Variants in ZNF777 observed in about 807,000 individuals in gnomAD.
ZNF777 encodes the protein zinc finger protein 777.
Under a neutral mutation model 72.1 loss-of-function variants are expected in ZNF777, and 7 were observed. That is an observed-to-expected ratio of 0.10 (90% confidence interval 0.06 to 0.18). The LOEUF (loss-of-function observed/expected upper bound fraction) is 0.18. ZNF777 is among the 10% of genes least tolerant of loss of function. The pLI is 1.00. For synonymous variants in ZNF777, 545 were observed against 483.5 expected (o/e 1.13, Z -1.67); for missense variants, 828 against 1,128.6 (o/e 0.73, Z 3.82).
intron 1 of ZNF777, among the ~76,000 whole-genome samples, chr7:149,459,350 A>G (rs1209159476): frequency 6.6e-6 from 1 of 152,272 alleles, no homozygotes; most frequent in East Asian, 1.9e-4. Flanking sequence ...ATCAGCCCCC[A>G]ACCCCTGAGA....
chr7:149,444,137 G>A (rs1327300673), intron 4 of ZNF777, among the ~76,000 whole-genome samples: 1 of 152,132 alleles, frequency 6.6e-6, no homozygotes, highest in African/African-American at 2.4e-5. Flanking sequence ...TGTAATTTTA[G>A]TTGGATCAAT....
intron 3 of ZNF777, among the ~76,000 whole-genome samples, chr7:149,452,985 G>A (rs1489591648): frequency 6.6e-6 from 1 of 152,188 alleles, no homozygotes; most frequent in African/African-American, 2.4e-5. Flanking sequence ...GGTTCACGTG[G>A]AACACTGCAC....
chr7:149,439,570 G>A (rs1799472840), intron 4 of ZNF777, among the ~76,000 whole-genome samples: 1 of 152,022 alleles, frequency 6.6e-6, no homozygotes, highest in Non-Finnish European at 1.5e-5. Flanking sequence ...TTTGATAGCT[G>A]GAATTTTTAT....
In ZNF777 at chr7:149,460,850, G is replaced by A. The variant is rs1799935984; in HGVS notation, c.-51C>T. On this transcript the variant is annotated 5_prime_UTR_variant, in exon 1 of 6. Coordinates refer to ENST00000247930, the MANE Select transcript of ZNF777 (RefSeq NM_015694.3). The surrounding 1 kb of genome is among the most constrained non-coding windows in gnomAD (Gnocchi z 6.1). ...CGCCTGCCCAGGCACCCTCGGGCGA[G>A]GCCGGGAGGCGCGCGGGCGGAGGCG... 2 of 152,202 alleles carry A rather than the reference G, an allele frequency of 1.3e-5. No homozygotes were observed. Among genetic ancestry groups the A allele is most frequent in the Non-Finnish European group, 2.9e-5 (2 of 68,136 alleles). The allele number at this position is 152,202 out of a possible 1,614,324, so 9.4% of individuals were successfully genotyped here.
chr7:149,434,075 C>T (rs7797238), intron 5 of ZNF777, among the ~76,000 whole-genome samples: 7,031 of 152,056 alleles, frequency 0.046, 416 homozygotes, highest in African/African-American at 0.13. Context: ...TATTATAGGA[C>T]GAGTCAAGCA....
chr7:149,442,618 TAA>T (rs552079135), intron 4 of ZNF777, among the ~76,000 whole-genome samples: 21 of 125,864 alleles, frequency 1.7e-4, no homozygotes, highest in Admixed American at 2.4e-4. Flanking sequence ...AGACTCTGTC[TAA>T]AAAAAAAAAA....
rs1212227656 is a variant in ZNF777 at position 149,436,845 on chromosome 7, G to A, written c.1088-19C>T. 6.3e-7 allele frequency: 1 copy of A among 1,596,160 alleles called. No individual in the cohort carries two copies. Among genetic ancestry groups the A allele is most frequent in the East Asian group, 2.3e-5 (1 of 44,350 alleles). ...TCGTGCGCTGAGAGAGGGTGGGCAG[G>A]GGTGAGGAGGAGAAAAGAACCCAGA... On this transcript the variant is annotated intron_variant, in intron 4 of 5. Coordinates refer to ENST00000247930, the MANE Select transcript of ZNF777 (RefSeq NM_015694.3). The surrounding 1 kb of genome is among the most constrained non-coding windows in gnomAD (Gnocchi z 5.0).
Position 149,455,152 on chromosome 7 carries a change from G to C in ZNF777, c.846+25C>G, listed in dbSNP as rs768587650. Reference sequence around the variant, plus strand: ...ACTCCAATTCAGATCACTTCCTTGGGAAGCCCCAGTTGGGATGTGCTTACC... The same window carrying C: ...ACTCCAATTCAGATCACTTCCTTGGCAAGCCCCAGTTGGGATGTGCTTACC... On this transcript the variant is annotated intron_variant, in intron 2 of 5. Transcript: ENST00000247930. This position sits in a 1 kb window ranked among gnomAD's most constrained non-coding sequence, Gnocchi z 4.2. The C allele has an allele frequency of 1.3e-6, 2 of 1,589,778 alleles. No homozygotes were observed. The highest frequency in any genetic ancestry group is 3.6e-5 in the Admixed American group (2 of 55,862).
chr7:149,438,199 T>C (rs1007526376), intron 4 of ZNF777, among the ~76,000 whole-genome samples: 1 of 151,980 alleles, frequency 6.6e-6, no homozygotes. Flanking sequence ...GGTTTCACTA[T>C]GTTGGCCAGG....
intron 4 of ZNF777, among the ~76,000 whole-genome samples, chr7:149,437,119 T>A (rs1221083771): frequency 6.6e-6 from 1 of 152,168 alleles, no homozygotes; most frequent in African/African-American, 2.4e-5. Context: ...TTTACTCTTA[T>A]TTTTTCAATA....
intron 3 of ZNF777, among the ~76,000 whole-genome samples, chr7:149,452,039 G>T (rs1456069493): frequency 6.8e-6 from 1 of 147,836 alleles, no homozygotes; most frequent in East Asian, 2.0e-4. Context: ...GCCGAGGCGG[G>T]CGGATCACAA....
intron 3 of ZNF777, among the ~76,000 whole-genome samples, chr7:149,452,756 C>T (rs367638575): frequency 5.3e-5 from 8 of 152,126 alleles, no homozygotes; most frequent in African/African-American, 1.4e-4. Context: ...CATTTTCACA[C>T]ACCCTTGCAG....
At position 149,455,914 on chromosome 7, in the gene ZNF777, C is replaced by T. The variant is rs181242161; in HGVS notation, c.109G>A (p.Val37Ile). The T allele has an allele frequency of 8.7e-5, 141 of 1,612,810 alleles. No homozygotes were observed. The African/African-American group carries it at 1.4e-3, about 17-fold the overall frequency. Residue 37 changes from valine (V) to isoleucine (I), a missense_variant, in exon 2 of 6, where the codon GTT (valine) becomes ATT (isoleucine). Around this residue, in one of 12 missense-constraint regions of ZNF777, gnomAD observed 222 missense variants for 211.2 expected, o/e 1.05. Transcript: ENST00000247930. The surrounding 1 kb of genome is among the most constrained non-coding windows in gnomAD (Gnocchi z 4.2). ...GAAGGAATTTCTTTGGGAGGAAGAA[C>T]GCGGGATTGGAACAGAGTTTCTCGG... is the stretch of plus-strand genomic sequence containing the variant. ...LPRETLFQSRVLPPKEIPSLS... is the reference protein window; with the variant it reads ...LPRETLFQSRILPPKEIPSLS...
chr7:149,454,917 G>A (rs994940671), intron 2 of ZNF777, among the ~76,000 whole-genome samples: 3 of 152,106 alleles, frequency 2.0e-5, no homozygotes, highest in African/African-American at 7.2e-5. Context: ...CCTTCGCTTT[G>A]CCTTCGTAGT....
intron 4 of ZNF777, among the ~76,000 whole-genome samples, chr7:149,437,143 C>T (rs1456902704): frequency 6.6e-6 from 1 of 152,156 alleles, no homozygotes; most frequent in Non-Finnish European, 1.5e-5. Context: ...AAAGGTCTCA[C>T]TCTGTCACCC....
At chr7:149,437,549 A>G (rs1225738661) in intron 4 of ZNF777, among the ~76,000 whole-genome samples, 1 of 152,224 alleles carries the variant, frequency 6.6e-6, no homozygotes, top group Non-Finnish European at 1.5e-5. Flanking sequence ...ATTTGTTTCT[A>G]AACTTGCCTA....
Position 149,453,743 on chromosome 7 carries a change from C to T in ZNF777, c.973+368G>A, listed in dbSNP as rs79568156. Among the ~76,000 whole-genome samples, 340 of 152,180 alleles carry T rather than the reference C, an allele frequency of 2.2e-3. 1 individual carries two copies. The highest frequency in any genetic ancestry group is 7.7e-3 in the African/African-American group (319 of 41,528). On this transcript the variant is annotated intron_variant, in intron 3 of 5. Coordinates refer to ENST00000247930, the MANE Select transcript of ZNF777 (RefSeq NM_015694.3). ...GCTGGTACACAGGAGACACTCAGCA[C>T]ACTTTCCTTTCATTCTTTTTTCCTT... is the stretch of plus-strand genomic sequence containing the variant.
Position 149,431,916 on chromosome 7 carries a change from G to A in ZNF777, c.2356C>T (p.Arg786Cys). 6.3e-7 allele frequency: 1 copy of A among 1,582,026 alleles called. No homozygotes were observed. Among genetic ancestry groups the A allele is most frequent in the Non-Finnish European group, 8.6e-7 (1 of 1,164,562 alleles). Residue 786 changes from arginine (R) to cysteine (C), a missense_variant, in exon 6 of 6, where the codon CGC (arginine) becomes TGC (cysteine). Arg to Cys is a radical substitution (Grantham distance 180). This residue lies in a region of ZNF777 where 49 missense variants were observed against 135.8 expected (regional missense o/e 0.36). Coordinates refer to ENST00000247930, the MANE Select transcript of ZNF777 (RefSeq NM_015694.3). ...AGCAGGTGATGCTTCTGCGTGAAGC[G>A]CTTGCCGCACTCGGCGCAGTGGTAG... ...RPYHCAECGKRFTQKHHLLEH... is the reference protein window; with the variant it reads ...RPYHCAECGKCFTQKHHLLEH...
rs1044033848 is a variant in ZNF777 at position 149,433,244 on chromosome 7, G to A, written c.1340-312C>T. 2.6e-5 allele frequency among the ~76,000 whole-genome samples: 4 copies of A among 152,280 alleles called. No individual in the cohort carries two copies. In the East Asian group the frequency reaches 5.8e-4, roughly 22 times the overall value. ...AATCGCTTCCTGTTGGTTATGATGC[G>A]AAACTGCTGGTACAGCCGGACCCAG... On this transcript the variant is annotated intron_variant, in intron 5 of 5. Transcript: ENST00000247930.
Sources: allele counts gnomAD v4.1 joint callset (sites outside exome capture counted in the v4.1 genomes callset), GRCh38; gene constraint gnomAD v4.1.1; regional missense constraint gnomAD v4.1.1; non-coding constraint Gnocchi (gnomAD v3.1); transcripts MANE v1.5; gene names NCBI Gene and HGNC (gene_info 2026-07-23, HGNC 2026-07-21).